The following CCDC93 variants were observed in gnomAD, a reference collection of about 807,000 sequenced individuals.
CCDC93 encodes the protein CCC complex scaffolding subunit CCDC93.
A neutral mutation model predicts 108.2 loss-of-function variants in CCDC93; 61 were observed. That is an observed-to-expected ratio of 0.56 (90% CI 0.46 to 0.70). The LOEUF is 0.70. Ranked by LOEUF, CCDC93 falls within the 30% of genes least tolerant of loss-of-function variation. CCDC93 has a pLI of 0.00. For missense variants in CCDC93, 685 were observed against 764.2 expected, an observed-to-expected ratio of 0.90 and a Z score of 1.22; for synonymous variants, 276 against 260.4, an observed-to-expected ratio of 1.06 and a Z score of -0.58.
intron 11 of CCDC93, among the ~76,000 whole-genome samples, chr2:117,969,170 T>C (rs76969389): frequency 0.016 from 2,490 of 152,320 alleles, 42 homozygotes; most frequent in Non-Finnish European, 0.024. Flanking sequence ...TGTAAGTCTA[T>C]AATGCCTGCC....
intron 12 of CCDC93, among the ~76,000 whole-genome samples, chr2:117,956,473 C>A (rs140881185): frequency 2.0e-5 from 3 of 152,306 alleles, no homozygotes; most frequent in Non-Finnish European, 4.4e-5. Context: ...TGCTGGGATA[C>A]TCTGGCTCCT....
At chr2:117,922,760 T>C (rs1677916073) in intron 23 of CCDC93, among the ~76,000 whole-genome samples, 1 of 152,082 alleles carries the variant, frequency 6.6e-6, no homozygotes, top group Non-Finnish European at 1.5e-5. Context: ...AAATAGAGGG[T>C]GCTGGAGAAG....
chr2:117,951,071 T>C, intron 13 of CCDC93: 1 of 847,618 alleles, frequency 1.2e-6, no homozygotes, highest in Non-Finnish European at 1.3e-6. Context: ...AAAAAGCTCC[T>C]TTATAAGTCA....
At chr2:117,932,147 G>GT (rs1678358881) in intron 22 of CCDC93, among the ~76,000 whole-genome samples, 1 of 152,174 alleles carries the variant, frequency 6.6e-6, no homozygotes, top group Admixed American at 6.5e-5. Context: ...GCTATGTGCT[G>GT]TATGTCTGGA....
intron 11 of CCDC93, among the ~76,000 whole-genome samples, chr2:117,963,117 A>C (rs529689184): frequency 6.6e-6 from 1 of 152,354 alleles, no homozygotes; most frequent in South Asian, 2.1e-4. Context: ...TAGTTCCTAC[A>C]GATAAACTTC....
chr2:118,006,951 T>A (rs4849654), intron 2 of CCDC93, 135 bp from the exon 3 acceptor site: 576,121 of 586,238 alleles, frequency 0.98, 283,347 homozygotes, highest in South Asian at 0.99. Context: ...AGAGAGAGAG[T>A]GTGTGTCCTC....
rs149781619 is a variant in CCDC93 at position 118,001,461 on chromosome 2, T to A, written c.252-529A>T. 3.0e-3 allele frequency among the ~76,000 whole-genome samples: 463 copies of A among 152,366 alleles called. 1 individual carries two copies. Among genetic ancestry groups the A allele is most frequent in the Non-Finnish European group, 5.2e-3 (357 of 68,030 alleles). ...CTACTCTCTGGTACAAGGATATTTT[T>A]AAAATAAATAGTAGCCTTTAATTTT... On this transcript the variant is annotated intron_variant, in intron 3 of 23. Coordinates refer to ENST00000376300, the MANE Select transcript of CCDC93 (RefSeq NM_019044.5).
intron 1 of CCDC93, chr2:118,008,979 C>T (rs1438351523): frequency 4.8e-6 from 1 of 209,068 alleles, no homozygotes; most frequent in Admixed American, 5.4e-5. Flanking sequence ...CTTCCTTTTT[C>T]TCTAACCCAT....
chr2:118,011,769 C>G (rs1173995935), intron 1 of CCDC93, among the ~76,000 whole-genome samples: 2 of 152,188 alleles, frequency 1.3e-5, no homozygotes, highest in Non-Finnish European at 2.9e-5. Context: ...CTTCCATCCA[C>G]TCACCCCTAG....
chr2:118,007,400 G>A lies in CCDC93; in HGVS notation c.157-584C>T, dbSNP rs527843876. On this transcript the variant is annotated intron_variant, in intron 2 of 23. Transcript: ENST00000376300. ...AAAAAATAACAATAAGGCTGGGCGC[G>A]GTGGCTCACGCCTGTAATCCCAGCA... 3.3e-5 allele frequency among the ~76,000 whole-genome samples: 5 copies of A among 152,336 alleles called. No individual in the cohort carries two copies. The South Asian group carries it at 8.3e-4, about 25-fold the overall frequency.
At position 117,933,730 on chromosome 2, in the gene CCDC93, A is replaced by C. The variant is rs988039977; in HGVS notation, c.1728+1765T>G. Among the ~76,000 whole-genome samples, 5 of 151,864 alleles carry C rather than the reference A, an allele frequency of 3.3e-5. No homozygotes were observed. The South Asian group carries it at 1.0e-3, about 32-fold the overall frequency. ...CTTTTTTTTTTTTTTAAACAAACACAATAAAACACATCCATCCAAGTGACT... is the reference window on the plus strand; with the variant it reads ...CTTTTTTTTTTTTTTAAACAAACACCATAAAACACATCCATCCAAGTGACT... On this transcript the variant is annotated intron_variant, in intron 22 of 23. Transcript: ENST00000376300.
At chr2:117,967,957 G>A (rs559009110) in intron 11 of CCDC93, among the ~76,000 whole-genome samples, 4 of 152,266 alleles carry the variant, frequency 2.6e-5, no homozygotes, top group Admixed American at 2.0e-4. Flanking sequence ...AGAACTAAAT[G>A]AGATAATGGT....
Position 117,939,119 on chromosome 2 carries a change from A to T in CCDC93, c.1523-8T>A. ...CTTTGTGCACTGCTGAAACTGTAAAAGTAAAGAAATCAGCACACGAATAAG... is the reference window on the plus strand; with the variant it reads ...CTTTGTGCACTGCTGAAACTGTAAATGTAAAGAAATCAGCACACGAATAAG... On this transcript the variant is annotated splice_polypyrimidine_tract_variant and splice_region_variant and intron_variant, in intron 19 of 23. Transcript: ENST00000376300. The T allele has an allele frequency of 6.4e-7, 1 of 1,572,390 alleles. No homozygotes were observed. The highest frequency in any genetic ancestry group is 8.7e-7 in the Non-Finnish European group (1 of 1,143,080).
chr2:117,923,117 T>A (rs934751137), intron 23 of CCDC93, among the ~76,000 whole-genome samples: 1 of 152,004 alleles, frequency 6.6e-6, no homozygotes, highest in African/African-American at 2.4e-5. Context: ...AAATGAAATA[T>A]GCAGGATTTT....
At chr2:118,000,565 T>C (rs1298513541) in intron 4 of CCDC93, among the ~76,000 whole-genome samples, 1 of 152,178 alleles carries the variant, frequency 6.6e-6, no homozygotes, top group Non-Finnish European at 1.5e-5. Flanking sequence ...GTTCTGTTTT[T>C]ACCAAAAAGG....
Position 117,917,847 on chromosome 2 carries a change from G to A in CCDC93, c.*2496C>T, listed in dbSNP as rs1216574113. 1 of 152,270 alleles carries A rather than the reference G, an allele frequency of 6.6e-6. No individual in the cohort carries two copies. Among genetic ancestry groups the A allele is most frequent in the Admixed American group, 6.5e-5 (1 of 15,286 alleles). 9.4% of individuals were successfully genotyped at this position (152,270 alleles called of 1,614,324 possible). A position where few individuals can be genotyped will look rare whatever the true frequency, so the allele number is the denominator to read the frequency against. On this transcript the variant is annotated 3_prime_UTR_variant, in exon 24 of 24. Coordinates refer to ENST00000376300, the MANE Select transcript of CCDC93 (RefSeq NM_019044.5). The stretch of plus-strand genomic sequence containing the variant: ...GTGGGAGGGAGCCCCCAACCCAGAG[G>A]CTGGCGGAGATTCCACAGCACTGGG...
At chr2:118,013,857 C>T in intron 1 of CCDC93, 97 bp downstream of exon 1, 2 of 1,096,894 alleles carry the variant, frequency 1.8e-6, no homozygotes, top group Non-Finnish European at 2.6e-6. Flanking sequence ...GGGCGGGGCG[C>T]CCCTAACGCA....
chr2:117,992,653 C>T (rs1041629856), intron 6 of CCDC93, among the ~76,000 whole-genome samples: 11 of 152,106 alleles, frequency 7.2e-5, no homozygotes, highest in African/African-American at 2.7e-4. Context: ...CCTCTACCAT[C>T]ACCATTGTGA....
intron 18 of CCDC93, among the ~76,000 whole-genome samples, chr2:117,942,394 C>G (rs1024041085): frequency 6.6e-6 from 1 of 152,142 alleles, no homozygotes; most frequent in Non-Finnish European, 1.5e-5. Context: ...GTACTGAGAG[C>G]CATGCACATG....
Sources: allele counts gnomAD v4.1 joint callset (sites outside exome capture counted in the v4.1 genomes callset), GRCh38; gene constraint gnomAD v4.1.1; transcripts MANE v1.5; gene names NCBI Gene and HGNC (gene_info 2026-07-23, HGNC 2026-07-21).